Variants in ATG10 observed in about 807,000 individuals in gnomAD.
ATG10 encodes ubiquitin-like-conjugating enzyme ATG10.
Under a neutral mutation model 32.1 loss-of-function variants are expected in ATG10, and 30 were observed. The ratio of observed to expected loss-of-function variants is 0.94; its 90% CI spans 0.70 to 1.27. The LOEUF (loss-of-function observed/expected upper bound fraction) is 1.27, where lower values mean the gene tolerates loss of function less well. ATG10 is among the 50% of genes most tolerant of loss of function. The pLI is 0.00. For missense variants in ATG10, 233 were observed against 262.3 expected (o/e 0.89, Z 0.77); for synonymous variants, 87 against 91.5 (o/e 0.95, Z 0.28).
At chr5:82,019,061 G>A (rs925254608) in intron 2 of ATG10, among the ~76,000 whole-genome samples, 3 of 151,916 alleles carry the variant, frequency 2.0e-5, no homozygotes, top group Non-Finnish European at 4.4e-5. Context: ...TTTGTTAAAT[G>A]AGTGAGTGAG....
intron 4 of ATG10, among the ~76,000 whole-genome samples, chr5:82,170,760 A>C (rs1375524055): frequency 6.6e-6 from 1 of 151,908 alleles, no homozygotes; most frequent in Non-Finnish European, 1.5e-5. Context: ...AGCCTGGCCA[A>C]CATGGTGAAA....
At chr5:81,980,606 A>C (rs946437996) in intron 1 of ATG10, among the ~76,000 whole-genome samples, 38 of 151,840 alleles carry the variant, frequency 2.5e-4, no homozygotes, top group African/African-American at 8.0e-4. Flanking sequence ...CTGTAACTAT[A>C]ATGAGGGGAG....
At chr5:82,237,362 G>T (rs1746602998) in intron 5 of ATG10, among the ~76,000 whole-genome samples, 1 of 152,026 alleles carries the variant, frequency 6.6e-6, no homozygotes, top group South Asian at 2.1e-4. Context: ...AAGAAGTCTT[G>T]GCCGGGTGTG....
chr5:82,072,422 T>C (rs1333239632), intron 3 of ATG10, among the ~76,000 whole-genome samples: 1 of 152,134 alleles, frequency 6.6e-6, no homozygotes, highest in African/African-American at 2.4e-5. Context: ...CAGCTGCTCG[T>C]TCCTTCAGTG....
At chr5:82,251,099 C>A (rs12523353) in intron 5 of ATG10, among the ~76,000 whole-genome samples, 72,458 of 152,070 alleles carry the variant, frequency 0.48, 19,808 homozygotes, top group East Asian at 0.91. Context: ...CAGATACATG[C>A]AATAACCTAT....
intron 2 of ATG10, among the ~76,000 whole-genome samples, chr5:82,049,220 A>C (rs1763322935): frequency 6.6e-6 from 1 of 151,966 alleles, no homozygotes; most frequent in Non-Finnish European, 1.5e-5. Flanking sequence ...ATGCAGCCAT[A>C]AAAAATGATG....
At chr5:82,099,692 C>T (rs532619284) in intron 3 of ATG10, among the ~76,000 whole-genome samples, 1 of 152,250 alleles carries the variant, frequency 6.6e-6, no homozygotes, top group South Asian at 2.1e-4. Flanking sequence ...CATAGTATTA[C>T]ACTTAATGAA....
At chr5:82,216,054 G>A (rs761936502) in intron 5 of ATG10, among the ~76,000 whole-genome samples, 6 of 152,184 alleles carry the variant, frequency 3.9e-5, no homozygotes, top group Non-Finnish European at 7.3e-5. Flanking sequence ...AGTGATGATA[G>A]AATGTATAAT....
At chr5:82,018,023 T>G (rs1383885128) in intron 2 of ATG10, among the ~76,000 whole-genome samples, 3 of 152,180 alleles carry the variant, frequency 2.0e-5, no homozygotes, top group Non-Finnish European at 4.4e-5. Flanking sequence ...ATCCAAATGC[T>G]AATTACTCCT....
chr5:82,058,044 C>A (rs1380176202), intron 2 of ATG10, among the ~76,000 whole-genome samples: 2 of 152,116 alleles, frequency 1.3e-5, no homozygotes, highest in African/African-American at 4.8e-5. Flanking sequence ...GCATAAGTAC[C>A]TTTCTGGGAC....
chr5:82,032,323 ATTG>A (rs1257273588), intron 2 of ATG10, among the ~76,000 whole-genome samples: 3 of 151,506 alleles, frequency 2.0e-5, no homozygotes, highest in Non-Finnish European at 4.4e-5. Flanking sequence ...TTCTATTTTT[ATTG>A]TTATATATCT....
chr5:81,993,428 C>CTTCTTTCT (rs751921469), intron 2 of ATG10, among the ~76,000 whole-genome samples: 1 of 102,684 alleles, frequency 9.7e-6, no homozygotes, highest in African/African-American at 3.8e-5. Context: ...CTTTTCTTTC[C>CTTCTTTCT]TTCTTTCTTT....
At chr5:82,091,343 T>TA (rs1764876377) in intron 3 of ATG10, among the ~76,000 whole-genome samples, 1 of 152,162 alleles carries the variant, frequency 6.6e-6, no homozygotes, top group African/African-American at 2.4e-5. Context: ...TAGCTGGGAT[T>TA]ACAGGCATGA....
At chr5:82,122,393 C>T (rs979732450) in intron 3 of ATG10, among the ~76,000 whole-genome samples, 1 of 151,866 alleles carries the variant, frequency 6.6e-6, no homozygotes, top group Admixed American at 6.6e-5. Flanking sequence ...AATGTGAAAC[C>T]CAAAGCTATA....
At chr5:82,012,708 T>A (rs1267134972) in intron 2 of ATG10, among the ~76,000 whole-genome samples, 1 of 152,184 alleles carries the variant, frequency 6.6e-6, no homozygotes, top group Non-Finnish European at 1.5e-5. Flanking sequence ...CCAGGCTGGA[T>A]GCAGTAGTGC....
chr5:82,135,491 G>A (rs1349226742), intron 3 of ATG10, among the ~76,000 whole-genome samples: 1 of 152,114 alleles, frequency 6.6e-6, no homozygotes, highest in African/African-American at 2.4e-5. Context: ...TTTACCCAGT[G>A]GTCATTCAGG....
At chr5:82,226,041 T>G (rs1746118044) in intron 5 of ATG10, among the ~76,000 whole-genome samples, 1 of 151,848 alleles carries the variant, frequency 6.6e-6, no homozygotes, top group South Asian at 2.1e-4. Flanking sequence ...TATTCTTACT[T>G]TCTCTCTCTC....
intron 2 of ATG10, among the ~76,000 whole-genome samples, chr5:82,020,766 A>C (rs974088653): frequency 6.6e-6 from 1 of 152,202 alleles, no homozygotes; most frequent in African/African-American, 2.4e-5. Context: ...TTAGACCTCT[A>C]CTTGAGCTTT....
At chr5:82,199,877 C>T (rs955311180) in intron 5 of ATG10, among the ~76,000 whole-genome samples, 1 of 152,090 alleles carries the variant, frequency 6.6e-6, no homozygotes, top group Non-Finnish European at 1.5e-5. Flanking sequence ...TTCGGAATGT[C>T]ATATATGGAT....
Sources: gnomAD v4.1 joint callset for allele counts (sites outside exome capture counted in the v4.1 genomes callset) on GRCh38, gnomAD v4.1.1 for gene constraint, MANE v1.5 for transcripts, NCBI Gene and HGNC (gene_info 2026-07-23, HGNC 2026-07-21) for gene names.